The following C1GALT1 variants were observed in gnomAD, a reference collection of about 807,000 sequenced individuals.
C1GALT1 encodes the protein glycoprotein-N-acetylgalactosamine 3-beta-galactosyltransferase 1.
Under a neutral mutation model 31.0 loss-of-function variants are expected in C1GALT1, and 11 were observed. The ratio of observed to expected loss-of-function variants is 0.36; its 90% CI spans 0.22 to 0.59. The LOEUF (loss-of-function observed/expected upper bound fraction) is 0.59. Ranked by LOEUF, C1GALT1 falls within the 20% of genes least tolerant of loss-of-function variation. C1GALT1 has a pLI of 0.79. For synonymous variants in C1GALT1, 175 were observed against 143.6 expected (o/e 1.22, Z -1.56); for missense variants, 424 against 425.2 (o/e 1.00, Z 0.03).
rs1349743411 is a variant in C1GALT1, at chr7:7,244,539, T to A, written c.*812T>A. 1 of 152,176 alleles carries A rather than the reference T, an allele frequency of 6.6e-6. No individual in the cohort carries two copies. Among genetic ancestry groups the A allele is most frequent in the East Asian group, 1.9e-4 (1 of 5,196 alleles). The allele number at this position is 152,176 out of a possible 1,614,324, so 9.4% of individuals were successfully genotyped here. ...ACATATTTGTTCCCAAATTTGCCCA[T>A]TGTTCATTATGGGTAACTAATAATA... On this transcript the variant is annotated 3_prime_UTR_variant, in exon 4 of 4. Transcript: ENST00000436587.
chr7:7,206,469 G>C (rs1230183071), intron 1 of C1GALT1, among the ~76,000 whole-genome samples: 1 of 151,950 alleles, frequency 6.6e-6, no homozygotes, highest in African/African-American at 2.4e-5. Context: ...GAAGTCGGGA[G>C]TCAAGACCAG....
intron 1 of C1GALT1, among the ~76,000 whole-genome samples, chr7:7,216,068 G>T (rs1782226155): frequency 6.6e-6 from 1 of 152,130 alleles, no homozygotes; most frequent in Non-Finnish European, 1.5e-5. Context: ...AACGCTTGCA[G>T]AGGTTTATTA....
chr7:7,186,925 A>G (rs1211463121), intron 1 of C1GALT1, among the ~76,000 whole-genome samples: 3 of 152,184 alleles, frequency 2.0e-5, no homozygotes, highest in Non-Finnish European at 4.4e-5. Context: ...GCTCTCTAAG[A>G]TTAGGAAGAC....
intron 1 of C1GALT1, among the ~76,000 whole-genome samples, chr7:7,203,008 C>A (rs774341536): frequency 1.3e-5 from 2 of 148,772 alleles, no homozygotes; most frequent in Non-Finnish European, 3.0e-5. Context: ...AAGAAGTGTT[C>A]TAGTTAGTGC....
chr7:7,160,365 G>C (rs962995028), intron 2 of C1GALT1, among the ~76,000 whole-genome samples: 1 of 152,036 alleles, frequency 6.6e-6, no homozygotes, highest in Admixed American at 6.6e-5. Context: ...TGACTAATCA[G>C]GTATATCCTT....
intron 1 of C1GALT1, among the ~76,000 whole-genome samples, chr7:7,192,134 C>T (rs6463652): frequency 0.7 from 105,839 of 151,686 alleles, 37,705 homozygotes; most frequent in East Asian, 0.94. Flanking sequence ...TTTTGAGTTA[C>T]TTTTTCTTCT....
chr7:7,180,287 T>A (rs1248523725), upstream of C1GALT1, among the ~76,000 whole-genome samples: 2 of 152,210 alleles, frequency 1.3e-5, no homozygotes, highest in Non-Finnish European at 2.9e-5. Flanking sequence ...TAATTGAAAA[T>A]GTCGAAGAAT....
chr7:7,232,859 T>C (rs1036970975), intron 1 of C1GALT1, among the ~76,000 whole-genome samples: 1 of 152,216 alleles, frequency 6.6e-6, no homozygotes, highest in African/African-American at 2.4e-5. Flanking sequence ...TCAGCCTATA[T>C]GAATTAATTA....
intron 1 of C1GALT1, among the ~76,000 whole-genome samples, chr7:7,184,276 T>A (rs912279063): frequency 3.9e-5 from 6 of 152,210 alleles, no homozygotes; most frequent in Non-Finnish European, 7.4e-5. Flanking sequence ...CATTTAAAAT[T>A]CTTCATAAAG....
chr7:7,247,157 CTGTTT>C lies in C1GALT1; in HGVS notation c.*3434_*3438del, dbSNP rs1247162282. On this transcript the variant is annotated 3_prime_UTR_variant, in exon 4 of 4. Transcript: ENST00000436587. ...ACATACATTTTTCTGCTAATTCATT[CTGTTT>C]TGTGTGACCTAATAAAGCAAAAGAA... is the stretch of plus-strand genomic sequence containing the variant. 2 of 152,114 alleles carry C rather than the reference CTGTTT, an allele frequency of 1.3e-5. No individual in the cohort carries two copies. Among genetic ancestry groups the C allele is most frequent in the African/African-American group, 4.8e-5 (2 of 41,430 alleles). 9.4% of individuals were successfully genotyped at this position (152,114 alleles called of 1,614,324 possible).
At chr7:7,199,001 AT>A (rs545257141) in intron 1 of C1GALT1, among the ~76,000 whole-genome samples, 2 of 151,774 alleles carry the variant, frequency 1.3e-5, no homozygotes, top group Non-Finnish European at 2.9e-5. Flanking sequence ...GGATTCACTG[AT>A]TTTTTTTGAA....
At chr7:7,210,704 A>T (rs940253598) in intron 1 of C1GALT1, 3 of 152,138 alleles carry the variant, frequency 2.0e-5, no homozygotes, top group Non-Finnish European at 4.4e-5. Flanking sequence ...TTAATATGCA[A>T]ATACATGGCG....
chr7:7,230,020 T>A (rs1249114058), intron 1 of C1GALT1, among the ~76,000 whole-genome samples: 1 of 152,192 alleles, frequency 6.6e-6, no homozygotes, highest in East Asian at 1.9e-4. Context: ...CAGCTTTGCT[T>A]ATACTGTGCT....
chr7:7,185,686 TC>T (rs1172115254), intron 1 of C1GALT1, among the ~76,000 whole-genome samples: 1 of 152,208 alleles, frequency 6.6e-6, no homozygotes, highest in Admixed American at 6.5e-5. Flanking sequence ...TGGATTAAGA[TC>T]CACCCTAATC....
intron 1 of C1GALT1, among the ~76,000 whole-genome samples, chr7:7,228,418 A>G (rs1782899444): frequency 2.0e-5 from 3 of 152,214 alleles, no homozygotes; most frequent in South Asian, 4.1e-4. Flanking sequence ...CACTTGGCAT[A>G]AAGAACTTCC....
At chr7:7,207,224 C>G (rs556308362) in intron 1 of C1GALT1, among the ~76,000 whole-genome samples, 1 of 151,314 alleles carries the variant, frequency 6.6e-6, no homozygotes, top group Non-Finnish European at 1.5e-5. Flanking sequence ...CTAGATCTGC[C>G]TTTCAGTCTC....
rs183866932 is a variant in C1GALT1 at position 7,211,450 on chromosome 7, C to A, written c.-17-22853C>A. 4.4e-4 allele frequency among the ~76,000 whole-genome samples: 67 copies of A among 152,296 alleles called. 1 individual carries two copies. The East Asian group carries it at 8.3e-3, about 19-fold the overall frequency. ...GCAGACTCAGTGATAGTAAAACTTT[C>A]ATGCTTCCTTGTCAGTAACTATTAT... On this transcript the variant is annotated intron_variant, in intron 1 of 3. Transcript: ENST00000436587.
intron 1 of C1GALT1, among the ~76,000 whole-genome samples, chr7:7,221,214 G>A (rs1169611931): frequency 6.6e-6 from 1 of 151,566 alleles, no homozygotes; most frequent in Non-Finnish European, 1.5e-5. Flanking sequence ...CCATCACCTC[G>A]TCTTTCTTGT....
intron 1 of C1GALT1, among the ~76,000 whole-genome samples, chr7:7,192,597 A>G (rs1285475208): frequency 6.6e-6 from 1 of 152,044 alleles, no homozygotes; most frequent in African/African-American, 2.4e-5. Context: ...TGCAGTTACA[A>G]ATTGTGTTGC....
Sources: allele counts gnomAD v4.1 joint callset (sites outside exome capture counted in the v4.1 genomes callset), GRCh38; gene constraint gnomAD v4.1.1; transcripts MANE v1.5; gene names NCBI Gene and HGNC (gene_info 2026-07-23, HGNC 2026-07-21).